The following ZNF506 variants were observed in gnomAD, a reference collection of about 807,000 sequenced individuals.
ZNF506 encodes the protein zinc finger protein 506.
ZNF506 carries 10 observed loss-of-function variants against 11.6 expected under a neutral mutation model. That is an observed-to-expected ratio of 0.86 (90% CI 0.53 to 1.46). ZNF506 has a LOEUF of 1.46. Ranked by LOEUF, ZNF506 falls within the 40% of genes most tolerant of loss-of-function variation. The pLI is 0.00. For synonymous variants in ZNF506, 156 were observed against 173.3 expected, an observed-to-expected ratio of 0.90 and a Z score of 0.78; for missense variants, 425 against 521.2, an observed-to-expected ratio of 0.82 and a Z score of 1.80.
chr19:19,804,241 A>G (rs2145186055), intron 3 of ZNF506, among the ~76,000 whole-genome samples: 1 of 152,352 alleles, frequency 6.6e-6, no homozygotes, highest in Non-Finnish European at 1.5e-5. Flanking sequence ...ATTTACAAGA[A>G]AAAAAACAAC....
At chr19:19,808,514 A>C (rs965778449) in intron 1 of ZNF506, among the ~76,000 whole-genome samples, 1 of 151,674 alleles carries the variant, frequency 6.6e-6, no homozygotes, top group African/African-American at 2.4e-5. Flanking sequence ...TACTCCCCCC[A>C]AAAAAGTAAA....
chr19:19,800,708 C>A (rs978679748), intron 3 of ZNF506, among the ~76,000 whole-genome samples: 7 of 151,760 alleles, frequency 4.6e-5, no homozygotes, highest in African/African-American at 1.7e-4. Flanking sequence ...AGCCACTGCG[C>A]CTGGCCTAGA....
chr19:19,795,081 G>A lies in ZNF506; in HGVS notation c.806C>T (p.Pro269Leu). 6.2e-7 allele frequency: 1 copy of A among 1,613,642 alleles called. No homozygotes were observed. The highest frequency in any genetic ancestry group is 8.5e-7 in the Non-Finnish European group (1 of 1,179,894). ...TTTCTTATGTGAAAAAAGGGTTGCA[G>A]GGTGGTTAAAAGCTTTGCCACATTC... ...CRECGKAFNH[P>L]ATLFSHKKIH... Residue 269 changes from proline (P) to leucine (L), a missense_variant, in exon 4 of 4, where the codon CCT (proline) becomes CTT (leucine). By Grantham distance (98) the Pro-to-Leu change is moderately conservative. This residue lies in a region of ZNF506 where 192 missense variants were observed against 215.7 expected (regional missense o/e 0.89). Transcript: ENST00000540806.
At chr19:19,798,688 T>A (rs2062766394) in intron 3 of ZNF506, 1 of 142,722 alleles carries the variant, frequency 7.0e-6, no homozygotes. Context: ...AAAATATCCG[T>A]ATAGATACAC....
intron 1 of ZNF506, among the ~76,000 whole-genome samples, chr19:19,811,820 C>T (rs1348383100): frequency 1.3e-5 from 2 of 152,054 alleles, no homozygotes; most frequent in Non-Finnish European, 2.9e-5. Flanking sequence ...TTCTTCTCTT[C>T]ATAAATATGC....
At chr19:19,800,391 A>AATATATATATATATATTTATAT (rs1460340025) in intron 3 of ZNF506, among the ~76,000 whole-genome samples, 3,630 of 139,118 alleles carry the variant, frequency 0.026, 76 homozygotes, top group Non-Finnish European at 0.041. Context: ...AACTAAACAG[A>AATATATATATATATATTTATAT]ATATATATAT....
chr19:19,816,160 C>A, intron 1 of ZNF506, among the ~76,000 whole-genome samples: 1 of 151,724 alleles, frequency 6.6e-6, no homozygotes, highest in South Asian at 2.1e-4. Flanking sequence ...TTTCAGTGGT[C>A]ATAATGAAAT....
chr19:19,807,065 G>A lies in ZNF506; in HGVS notation c.7C>T (p.Pro3Ser), dbSNP rs1335144620. MGPLQFRDVAIEF... is the reference protein window; with the variant it reads MGSLQFRDVAIEF... ...ATGGCCACATCTCTAAATTGCAATG[G>A]TCCCTGAAAAAAACACACACACTTA... The change falls in exon 2 of 4, where the codon CCA becomes TCA. Residue 3 changes from proline to serine, a missense_variant. Pro to Ser is a moderately conservative substitution (Grantham distance 74). This residue lies in a region of ZNF506 where 226 missense variants were observed against 279.1 expected (regional missense o/e 0.81). Transcript: ENST00000540806. 6.2e-7 allele frequency: 1 copy of A among 1,613,208 alleles called. No individual in the cohort carries two copies. Among genetic ancestry groups the A allele is most frequent in the South Asian group, 1.1e-5 (1 of 90,934 alleles).
At chr19:19,808,613 G>C (rs141110858) in intron 1 of ZNF506, among the ~76,000 whole-genome samples, 1 of 151,082 alleles carries the variant, frequency 6.6e-6, no homozygotes, top group Non-Finnish European at 1.5e-5. Context: ...TGGGAGGCAC[G>C]AGGTGGGCGG....
At chr19:19,798,044 A>G (rs1365127257) in intron 3 of ZNF506, 1 of 152,202 alleles carries the variant, frequency 6.6e-6, no homozygotes, top group African/African-American at 2.4e-5. Flanking sequence ...AACAACACAT[A>G]ATCATCTGAA....
chr19:19,814,367 C>T (rs2145202822), intron 1 of ZNF506, among the ~76,000 whole-genome samples: 2 of 150,972 alleles, frequency 1.3e-5, no homozygotes, highest in African/African-American at 2.4e-5. Flanking sequence ...GAGATCACAC[C>T]ATTGCACACC....
chr19:19,797,480 C>T (rs1283341240), intron 3 of ZNF506: 1 of 147,366 alleles, frequency 6.8e-6, no homozygotes. Flanking sequence ...TTAATTTTCA[C>T]AAAGTGAAAC....
In ZNF506 at chr19:19,808,285, G is replaced by A. The variant is rs905648802; in HGVS notation, c.4-1217C>T. Among the ~76,000 whole-genome samples the A allele has an allele frequency of 2.7e-5, 4 of 150,730 alleles. No individual in the cohort carries two copies. The South Asian group carries it at 6.3e-4, about 24-fold the overall frequency. Reference sequence around the variant, plus strand: ...ACTACAGGCACCCGCCACCAGGCCCGGCTAATTTTTTATATTTTTAGTAGA... The same window carrying A: ...ACTACAGGCACCCGCCACCAGGCCCAGCTAATTTTTTATATTTTTAGTAGA... On this transcript the variant is annotated intron_variant, in intron 1 of 3. Coordinates refer to ENST00000540806, the MANE Select transcript of ZNF506 (RefSeq NM_001099269.3).
chr19:19,802,204 C>CAAAAA (rs34663133), intron 3 of ZNF506, among the ~76,000 whole-genome samples: 5 of 97,540 alleles, frequency 5.1e-5, no homozygotes, highest in African/African-American at 1.8e-4. Context: ...GACTCTATCT[C>CAAAAA]AAAAAAAAAA....
At chr19:19,800,926 C>T (rs967380861) in intron 3 of ZNF506, among the ~76,000 whole-genome samples, 1 of 151,686 alleles carries the variant, frequency 6.6e-6, no homozygotes, top group Admixed American at 6.6e-5. Flanking sequence ...TAGGGGAGGC[C>T]GAGGCAGGCG....
At chr19:19,818,177 C>A (rs1386859403) in intron 1 of ZNF506, among the ~76,000 whole-genome samples, 1 of 152,130 alleles carries the variant, frequency 6.6e-6, no homozygotes, top group Non-Finnish European at 1.5e-5. Context: ...ATATCTACTT[C>A]TTTCAGACAA....
In ZNF506 at chr19:19,792,831, CAACATT is replaced by C. The variant is rs1394909386; in HGVS notation, c.*1715_*1720del. On this transcript the variant is annotated 3_prime_UTR_variant, in exon 4 of 4. Transcript: ENST00000540806. ...CCATCCAAAAGACAAAGCAAAACAT[CAACATT>C]AAGTCATAGGCTAGGATTATACAAA... Among the ~76,000 whole-genome samples, 1 of 151,398 alleles carries C rather than the reference CAACATT, an allele frequency of 6.6e-6. No homozygotes were observed. Among genetic ancestry groups the C allele is most frequent in the African/African-American group, 2.5e-5 (1 of 40,812 alleles).
At chr19:19,821,109 A>G (rs1183243407) in intron 1 of ZNF506, among the ~76,000 whole-genome samples, 2 of 152,194 alleles carry the variant, frequency 1.3e-5, no homozygotes, top group African/African-American at 4.8e-5. Context: ...CATTTTGGCC[A>G]GGCTTGTCTT....
In ZNF506 at chr19:19,794,395, G is replaced by A. The variant is rs985033284; in HGVS notation, c.*157C>T. 1 of 678,486 alleles carries A rather than the reference G, an allele frequency of 1.5e-6. No individual in the cohort carries two copies. 42.0% of individuals were successfully genotyped at this position (678,486 alleles called of 1,614,324 possible). ...GGTTTCTGTCCAGTATAAATTATGT[G>A]TAATAAGGGTTGAGAACTTCCTTAA... On this transcript the variant is annotated 3_prime_UTR_variant, in exon 4 of 4. Coordinates refer to ENST00000540806, the MANE Select transcript of ZNF506 (RefSeq NM_001099269.3).
Sources: gnomAD v4.1 joint callset for allele counts (sites outside exome capture counted in the v4.1 genomes callset) on GRCh38, gnomAD v4.1.1 for gene constraint, gnomAD v4.1.1 regional missense constraint, MANE v1.5 for transcripts, NCBI Gene and HGNC (gene_info 2026-07-23, HGNC 2026-07-21) for gene names.